The following FASTKD1 variants were observed in gnomAD, a reference collection of about 807,000 sequenced individuals.
FASTKD1 encodes the protein FAST kinase domain-containing protein 1, mitochondrial.
A neutral mutation model predicts 90.9 loss-of-function variants in FASTKD1; 94 were observed. The ratio of observed to expected loss-of-function variants is 1.03; its 90% CI spans 0.88 to 1.23. FASTKD1 has a LOEUF of 1.23. Ranked by LOEUF, FASTKD1 falls within the 50% of genes most tolerant of loss-of-function variation. The probability of loss-of-function intolerance (pLI) is 0.00; values close to 1 mark genes in which losing one functional copy is unlikely to be tolerated. For synonymous variants in FASTKD1, 319 were observed against 345.8 expected (o/e 0.92, Z 0.86); for missense variants, 945 against 993.5 (o/e 0.95, Z 0.66).
At chr2:169,562,060 AATTTATTG>A (rs932104950) in intron 4 of FASTKD1, among the ~76,000 whole-genome samples, 1 of 129,814 alleles carries the variant, frequency 7.7e-6, no homozygotes, top group Non-Finnish European at 1.6e-5. Flanking sequence ...ATTATTTATT[AATTTATTG>A]TAAAATAATT....
chr2:169,567,934 A>G (rs1247347176), intron 3 of FASTKD1, among the ~76,000 whole-genome samples: 1 of 152,124 alleles, frequency 6.6e-6, no homozygotes, highest in African/African-American at 2.4e-5. Flanking sequence ...AGATTTCCCA[A>G]AATGAGTCTG....
At chr2:169,565,137 A>G (rs1047018069) in intron 3 of FASTKD1, among the ~76,000 whole-genome samples, 3 of 147,008 alleles carry the variant, frequency 2.0e-5, no homozygotes, top group African/African-American at 5.0e-5. Flanking sequence ...TATTTTTAGT[A>G]GAGACAGGGT....
At chr2:169,548,253 G>C (rs1365162039) in intron 7 of FASTKD1, among the ~76,000 whole-genome samples, 2 of 151,938 alleles carry the variant, frequency 1.3e-5, no homozygotes, top group East Asian at 3.8e-4. Context: ...GGCATGCAGT[G>C]ATCACGTAAT....
rs1297463885 is a variant in FASTKD1, at chr2:169,529,895, A to G, written c.2474T>C (p.Leu825Pro). 1.2e-6 allele frequency: 2 copies of G among 1,612,940 alleles called. No individual in the cohort carries two copies. Among genetic ancestry groups the G allele is most frequent in the East Asian group, 2.2e-5 (1 of 44,868 alleles). ...ISQFEWNSMA[L>P]STKDARMDYL... ...GTCCATCCGAGCATCCTTTGTTGAC[A>G]GTGCCATAGAGTTCCATTCAAACTG... The change falls in exon 15 of 15, where the codon CTG (leucine) becomes CCG (proline). Residue 825 changes from leucine to proline, a missense_variant. Leu to Pro is a moderately conservative substitution (Grantham distance 98). Transcript: ENST00000453153.
chr2:169,541,041 C>T (rs539787685), intron 9 of FASTKD1, among the ~76,000 whole-genome samples: 2 of 152,200 alleles, frequency 1.3e-5, no homozygotes, highest in Non-Finnish European at 2.9e-5. Context: ...GAAGAGACAA[C>T]ATTAAATCTT....
chr2:169,569,175 G>T lies in FASTKD1; in HGVS notation c.446+9C>A. 6.2e-7 allele frequency: 1 copy of T among 1,612,650 alleles called. No individual in the cohort carries two copies. The highest frequency in any genetic ancestry group is 2.2e-5 in the East Asian group (1 of 44,876). The stretch of plus-strand genomic sequence containing the variant: ...ACCCTGATCTTCAAGATGAACCCAG[G>T]GTACTTGCCTTTCTAGCCTTCTCCA... On this transcript the variant is annotated intron_variant, in intron 3 of 14. Coordinates refer to ENST00000453153, the MANE Select transcript of FASTKD1 (RefSeq NM_024622.6).
rs1471937669 is a variant in FASTKD1, at chr2:169,555,242, G to A, written c.1096C>T (p.Leu366=). ...TTATAGCCATCCAAATGTTTATGCAGAACTGAAGTAACTCTAAAAAGGATA... is the reference window on the plus strand; with the variant it reads ...TTATAGCCATCCAAATGTTTATGCAAAACTGAAGTAACTCTAAAAAGGATA... The part of the protein sequence containing the change: ...SCLIKRVTSV[L]HKHLDGYKPL... Residue 366 remains leucine (L), a synonymous_variant, in exon 7 of 15, where the codon CTG becomes TTG. Coordinates refer to ENST00000453153, the MANE Select transcript of FASTKD1 (RefSeq NM_024622.6). 6.2e-7 allele frequency: 1 copy of A among 1,607,502 alleles called. No individual in the cohort carries two copies. The highest frequency in any genetic ancestry group is 8.5e-7 in the Non-Finnish European group (1 of 1,177,062).
At position 169,544,791 on chromosome 2, in the gene FASTKD1, T is replaced by C. The variant is rs748178523; in HGVS notation, c.1746A>G (p.Val582=). 6.2e-7 allele frequency: 1 copy of C among 1,612,978 alleles called. No individual in the cohort carries two copies. The highest frequency in any genetic ancestry group is 1.7e-5 in the Admixed American group (1 of 59,922). Residue 582 remains valine (V), a synonymous_variant, in exon 9 of 15, where the codon GTA becomes GTG. Transcript: ENST00000453153. The part of the protein sequence containing the change: ...TIPAIIRPFS[V]LNYDPPQRDE... ...CCCTTTGAGGTGGATCATAGTTCAA[T>C]ACGCTGAATGGACGAATAATAGCAG... is the stretch of plus-strand genomic sequence containing the variant.
At chr2:169,556,506 A>T (rs1043162156) in intron 6 of FASTKD1, among the ~76,000 whole-genome samples, 1 of 150,928 alleles carries the variant, frequency 6.6e-6, no homozygotes, top group South Asian at 2.1e-4. Flanking sequence ...AAGTGAACGG[A>T]TCACTTGAGG....
intron 7 of FASTKD1, 132 bp downstream of exon 7, chr2:169,554,992 G>T (rs1425712474): frequency 1.6e-5 from 13 of 794,532 alleles, no homozygotes; most frequent in Non-Finnish European, 2.5e-5. Flanking sequence ...GGGAGATAGT[G>T]TCTTAACATT....
At chr2:169,544,138 AAG>A (rs1430378923) in intron 9 of FASTKD1, among the ~76,000 whole-genome samples, 1 of 152,202 alleles carries the variant, frequency 6.6e-6, no homozygotes, top group Non-Finnish European at 1.5e-5. Flanking sequence ...AGAAAAAAAT[AAG>A]AGAGTCAGAG....
At chr2:169,569,089 C>G in intron 3 of FASTKD1, 95 bp downstream of exon 3, 1 of 950,738 alleles carries the variant, frequency 1.1e-6, no homozygotes, top group Non-Finnish European at 1.7e-6. Context: ...TGAAGCTTGA[C>G]AGGCATCAGT....
intron 5 of FASTKD1, among the ~76,000 whole-genome samples, chr2:169,559,821 G>T (rs969514825): frequency 2.6e-5 from 4 of 152,096 alleles, no homozygotes; most frequent in African/African-American, 9.7e-5. Context: ...TCTATTAACC[G>T]TATTTGTATG....
chr2:169,554,318 A>G (rs1685644049), intron 7 of FASTKD1, among the ~76,000 whole-genome samples: 1 of 117,576 alleles, frequency 8.5e-6, no homozygotes, highest in Non-Finnish European at 1.8e-5. Context: ...AAAAAAAGAT[A>G]CATCTGTAGA....
chr2:169,532,521 TAA>T (rs201862004), intron 12 of FASTKD1, among the ~76,000 whole-genome samples: 1 of 145,534 alleles, frequency 6.9e-6, no homozygotes, highest in African/African-American at 2.5e-5. Flanking sequence ...AAGAAAAACC[TAA>T]AAAAAAAACC....
intron 10 of FASTKD1, 23 bp from the exon 11 acceptor site, chr2:169,538,164 G>T: frequency 6.3e-7 from 1 of 1,576,948 alleles, no homozygotes; most frequent in South Asian, 1.2e-5. Flanking sequence ...AAATACTAAT[G>T]AATTTTGATA....
intron 9 of FASTKD1, among the ~76,000 whole-genome samples, chr2:169,541,850 A>G (rs1021797334): frequency 4.0e-5 from 6 of 151,824 alleles, no homozygotes; most frequent in African/African-American, 9.7e-5. Flanking sequence ...TCTCCTACCA[A>G]CTCGGTCTCC....
intron 9 of FASTKD1, among the ~76,000 whole-genome samples, chr2:169,542,941 C>T (rs370331176): frequency 1.3e-5 from 2 of 152,138 alleles, no homozygotes; most frequent in Non-Finnish European, 2.9e-5. Flanking sequence ...TACAGCACTA[C>T]ATACAAGTTA....
intron 12 of FASTKD1, among the ~76,000 whole-genome samples, chr2:169,536,848 G>A (rs566287141): frequency 2.0e-5 from 3 of 152,212 alleles, no homozygotes; most frequent in Non-Finnish European, 4.4e-5. Flanking sequence ...TTTTTCAGAT[G>A]AACTTAAAAC....
Sources: gnomAD v4.1 joint callset for allele counts (sites outside exome capture counted in the v4.1 genomes callset) on GRCh38, gnomAD v4.1.1 for gene constraint, MANE v1.5 for transcripts, NCBI Gene and HGNC (gene_info 2026-07-23, HGNC 2026-07-21) for gene names.